NAALADL2: variants seen among roughly 807,000 people sequenced by gnomAD.
The protein encoded by NAALADL2 is N-acetylated alpha-linked acidic dipeptidase like 2.
Under a neutral mutation model 87.2 loss-of-function variants are expected in NAALADL2, and 76 were observed. The observed-to-expected ratio is 0.87, with a 90% CI of 0.72 to 1.05. NAALADL2 has a LOEUF of 1.05. NAALADL2 is among the 50% of genes least tolerant of loss of function. The pLI, the probability that NAALADL2 is intolerant of heterozygous loss-of-function variation, is 0.00. For synonymous variants in NAALADL2, 354 were observed against 331.0 expected (o/e 1.07, Z -0.75); for missense variants, 1,089 against 945.8 (o/e 1.15, Z -1.99).
At chr3:174,775,880 A>C (rs1324753368) in intron 3 of NAALADL2, among the ~76,000 whole-genome samples, 1 of 152,166 alleles carries the variant, frequency 6.6e-6, no homozygotes, top group Non-Finnish European at 1.5e-5. Context: ...TCTTTCCGTA[A>C]AGGGCAATCT....
chr3:174,715,746 T>C (rs529293060), intron 2 of NAALADL2, among the ~76,000 whole-genome samples: 1 of 152,262 alleles, frequency 6.6e-6, no homozygotes, highest in East Asian at 1.9e-4. Context: ...GGTATTATAG[T>C]AAATAGACTA....
At chr3:175,277,665 A>G (rs552021124) in intron 4 of NAALADL2, among the ~76,000 whole-genome samples, 24 of 152,298 alleles carry the variant, frequency 1.6e-4, no homozygotes, top group African/African-American at 5.8e-4. Context: ...TCAGTAGACC[A>G]TTTGGTCTTT....
At chr3:174,906,116 G>T (rs1212845346) in intron 1 of NAALADL2, among the ~76,000 whole-genome samples, 1 of 151,900 alleles carries the variant, frequency 6.6e-6, no homozygotes, top group Non-Finnish European at 1.5e-5. Flanking sequence ...AAACTGTTCA[G>T]GACATTGTAC....
chr3:174,686,933 A>G (rs149147411), intron 2 of NAALADL2, among the ~76,000 whole-genome samples: 6 of 152,200 alleles, frequency 3.9e-5, no homozygotes, highest in Non-Finnish European at 5.9e-5. Context: ...TTGCAACAAA[A>G]CCAAAAATTG....
At position 174,624,828 on chromosome 3, in the gene NAALADL2, A is replaced by G. The variant is rs149707642; in HGVS notation, c.-115+74191A>G. On this transcript the variant is annotated intron_variant, in intron 2 of 3. Coordinates refer to the NAALADL2 transcript ENST00000434257. ...TGCTGTTTATTTACTTTTTCAGGCT[A>G]TTAGCCAATAATAAGCATTATTTGA... Among the ~76,000 whole-genome samples the G allele has an allele frequency of 2.4e-3, 367 of 152,264 alleles. 4 individuals carry two copies. Among genetic ancestry groups the G allele is most frequent in the African/African-American group, 8.7e-3 (360 of 41,552 alleles).
intron 13 of NAALADL2, among the ~76,000 whole-genome samples, chr3:175,784,945 C>A (rs1751712190): frequency 7.6e-6 from 1 of 130,920 alleles, no homozygotes; most frequent in South Asian, 2.4e-4. Flanking sequence ...TTATTTCTGC[C>A]TTCATTGCGT....
chr3:174,608,633 T>A (rs1719404347), intron 2 of NAALADL2, among the ~76,000 whole-genome samples: 1 of 152,084 alleles, frequency 6.6e-6, no homozygotes, highest in South Asian at 2.1e-4. Flanking sequence ...AATCCCTGAA[T>A]AGACCAATAA....
intron 5 of NAALADL2, among the ~76,000 whole-genome samples, chr3:175,333,327 C>G (rs1761619093): frequency 6.6e-6 from 1 of 152,156 alleles, no homozygotes; most frequent in Non-Finnish European, 1.5e-5. Context: ...AGCCCTATTT[C>G]TGGTGAATGT....
chr3:175,103,228 T>C (rs560758202), intron 2 of NAALADL2, among the ~76,000 whole-genome samples: 14 of 152,302 alleles, frequency 9.2e-5, no homozygotes, highest in African/African-American at 2.9e-4. Context: ...CTTAATATAA[T>C]ACATTGAAAT....
intron 6 of NAALADL2, 116 bp from the exon 7 acceptor site, chr3:175,463,285 A>C: frequency 1.6e-6 from 1 of 616,396 alleles, no homozygotes; most frequent in Non-Finnish European, 2.7e-6. Flanking sequence ...GCTATCTGAG[A>C]ACATTCAATT....
At chr3:175,559,031 A>G (rs1404452420) in intron 9 of NAALADL2, among the ~76,000 whole-genome samples, 1 of 152,074 alleles carries the variant, frequency 6.6e-6, no homozygotes, top group African/African-American at 2.4e-5. Context: ...GGACATTTTA[A>G]CAATATTGAT....
intron 4 of NAALADL2, among the ~76,000 whole-genome samples, chr3:175,301,437 A>C (rs930499840): frequency 6.6e-6 from 1 of 152,214 alleles, no homozygotes; most frequent in Non-Finnish European, 1.5e-5. Context: ...ATAAATAAAT[A>C]CATAAATACT....
intron 2 of NAALADL2, among the ~76,000 whole-genome samples, chr3:174,729,709 A>G (rs1210918894): frequency 6.6e-6 from 1 of 152,032 alleles, no homozygotes; most frequent in African/African-American, 2.4e-5. Flanking sequence ...ATTCAAGAGT[A>G]GGACTTACCT....
chr3:174,503,147 T>C (rs1719002207), intron 1 of NAALADL2, among the ~76,000 whole-genome samples: 1 of 152,190 alleles, frequency 6.6e-6, no homozygotes. Flanking sequence ...TTGGCTATGC[T>C]TAGATTTCTG....
chr3:175,507,630 G>A (rs948890046), intron 9 of NAALADL2, among the ~76,000 whole-genome samples: 1 of 152,004 alleles, frequency 6.6e-6, no homozygotes, highest in Non-Finnish European at 1.5e-5. Context: ...CACCATGTTG[G>A]CCAGGCTGGT....
chr3:175,530,315 T>C (rs555822532), intron 9 of NAALADL2, among the ~76,000 whole-genome samples: 15 of 152,296 alleles, frequency 9.8e-5, no homozygotes, highest in African/African-American at 3.6e-4. Context: ...CTTCCCTAAA[T>C]TTATTTGTCG....
intron 3 of NAALADL2, among the ~76,000 whole-genome samples, chr3:174,788,861 T>C (rs913896450): frequency 5.3e-5 from 8 of 152,146 alleles, no homozygotes; most frequent in African/African-American, 1.9e-4. Context: ...TTGCCTAAAT[T>C]GCAGGGCCCT....
At chr3:174,481,941 C>T (rs778875782) in intron 1 of NAALADL2, among the ~76,000 whole-genome samples, 1 of 151,972 alleles carries the variant, frequency 6.6e-6, no homozygotes, top group South Asian at 2.1e-4. Context: ...AGAAGGAAAA[C>T]GGGTATTTAG....
intron 2 of NAALADL2, among the ~76,000 whole-genome samples, chr3:174,676,121 ATGTGAAACAC>A (rs1727010328): frequency 1.3e-5 from 2 of 151,996 alleles, no homozygotes; most frequent in African/African-American, 4.8e-5. Context: ...TTTATACCAC[ATGTGAAACAC>A]TTGTCATTGA....
Sources: gnomAD v4.1 joint callset for allele counts (sites outside exome capture counted in the v4.1 genomes callset) on GRCh38, gnomAD v4.1.1 for gene constraint, MANE v1.5 for transcripts, NCBI Gene and HGNC (gene_info 2026-07-23, HGNC 2026-07-21) for gene names.